The following TRPA1 variants were observed in gnomAD, a reference collection of about 807,000 sequenced individuals.
TRPA1 encodes the protein transient receptor potential cation channel subfamily A member 1.
TRPA1 carries 129 observed loss-of-function variants against 131.3 expected under a neutral mutation model. That is an observed-to-expected ratio of 0.98 (90% CI 0.85 to 1.14). The LOEUF is 1.14. Among genes scored for constraint, TRPA1 ranks in the 50% most tolerant of loss-of-function variants. The pLI is 0.00. For synonymous variants in TRPA1, 441 were observed against 451.7 expected (o/e 0.98, Z 0.30); for missense variants, 1,304 against 1,354.2 (o/e 0.96, Z 0.58).
At position 72,021,908 on chromosome 8, in the gene TRPA1, T is replaced by C. The variant is rs1025761389; in HGVS notation, c.*998A>G. The C allele has an allele frequency of 5.9e-5, 9 of 152,312 alleles. No individual in the cohort carries two copies. Among genetic ancestry groups the C allele is most frequent in the Non-Finnish European group, 1.2e-4 (8 of 68,018 alleles). 9.4% of individuals were successfully genotyped at this position (152,312 alleles called of 1,614,324 possible). A position where few individuals can be genotyped will look rare whatever the true frequency, so the allele number is the denominator to read the frequency against. On this transcript the variant is annotated 3_prime_UTR_variant, in exon 27 of 27. Coordinates refer to ENST00000262209, the MANE Select transcript of TRPA1 (RefSeq NM_007332.3). Reference sequence around the variant, plus strand: ...AAGCTATAGCATAATAACATCTGTGTAAATAATAACAGACTCAAAACAACA... The same window carrying C: ...AAGCTATAGCATAATAACATCTGTGCAAATAATAACAGACTCAAAACAACA...
chr8:72,057,945 C>A, intron 8 of TRPA1, 129 bp from the exon 9 acceptor site: 1 of 693,242 alleles, frequency 1.4e-6, no homozygotes. Flanking sequence ...AACCATACGA[C>A]TAGTTATAGA....
At chr8:72,070,085 A>C (rs1400786650) in intron 2 of TRPA1, among the ~76,000 whole-genome samples, 3 of 152,238 alleles carry the variant, frequency 2.0e-5, no homozygotes, top group Non-Finnish European at 2.9e-5. Flanking sequence ...TTCATCCTGC[A>C]AAGTCCTATA....
intron 24 of TRPA1, among the ~76,000 whole-genome samples, chr8:72,026,454 A>C (rs981559486): frequency 6.6e-6 from 1 of 152,270 alleles, no homozygotes; most frequent in Non-Finnish European, 1.5e-5. Flanking sequence ...GCAATACTAC[A>C]AAATGTGCAC....
upstream of TRPA1, among the ~76,000 whole-genome samples, chr8:72,079,817 T>G (rs2587564): frequency 0.88 from 134,437 of 151,910 alleles, 59,667 homozygotes; most frequent in African/African-American, 0.94. Flanking sequence ...AGTTTATATA[T>G]ATCTGTCTTG....
At chr8:72,052,552 C>A (rs1805535663) in intron 14 of TRPA1, 47 bp downstream of exon 14, 2 of 1,609,560 alleles carry the variant, frequency 1.2e-6, no homozygotes, top group East Asian at 4.5e-5. Flanking sequence ...TCAAATCATC[C>A]CAACACCAGA....
At chr8:72,052,560 A>C in intron 14 of TRPA1, 39 bp downstream of exon 14, 13 of 1,610,684 alleles carry the variant, frequency 8.1e-6, no homozygotes, top group Non-Finnish European at 1.1e-5. Context: ...TCCCAACACC[A>C]GAGAACACTA....
Position 72,055,860 on chromosome 8 carries a change from AG to A in TRPA1, c.1195-6del. On this transcript the variant is annotated splice_polypyrimidine_tract_variant and splice_region_variant and intron_variant, in intron 10 of 26. Transcript: ENST00000262209. ...CAGCTCTTTGATCTGTTGCATCTAT[AG>A]GAAAAAATTAATATCATACAAATAA... The A allele has an allele frequency of 1.9e-6, 3 of 1,607,096 alleles. No homozygotes were observed. Among genetic ancestry groups the A allele is most frequent in the Non-Finnish European group, 2.5e-6 (3 of 1,178,410 alleles).
At chr8:72,040,205 A>G (rs964791520) in intron 17 of TRPA1, among the ~76,000 whole-genome samples, 5 of 152,136 alleles carry the variant, frequency 3.3e-5, no homozygotes, top group African/African-American at 1.2e-4. Context: ...ATTAATCTAG[A>G]TCATAAGTTT....
In TRPA1 at chr8:72,038,970, G is replaced by A. The variant is rs1239924176; in HGVS notation, c.2190C>T (p.Leu730=). The change falls in exon 19 of 27, where the codon CTC becomes CTT. Residue 730 remains leucine, a synonymous_variant. Coordinates refer to ENST00000262209, the MANE Select transcript of TRPA1 (RefSeq NM_007332.3). ...TGACAACGAGAATGGTCATAGGTAT[G>A]AGACCAAGACAGTAAGATCCTAAAT... ...MMNLGSYCLG[L]IPMTILVVNI... 1 of 1,613,010 alleles carries A rather than the reference G, an allele frequency of 6.2e-7. No individual in the cohort carries two copies.
chr8:72,058,926 C>T lies in TRPA1; in HGVS notation c.993+464G>A, dbSNP rs76257851. 5.6e-3 allele frequency among the ~76,000 whole-genome samples: 845 copies of T among 152,216 alleles called. 4 individuals are homozygous for T. The highest frequency in any genetic ancestry group is 9.3e-3 in the Non-Finnish European group (630 of 68,002). On this transcript the variant is annotated intron_variant, in intron 8 of 26. Transcript: ENST00000262209. ...AAAAAGATCTCATGCTTCATGCTTT[C>T]ACTTGTAATAAATCTTTGACAATAT...
intron 17 of TRPA1, 38 bp downstream of exon 17, chr8:72,046,475 A>G: frequency 1.6e-6 from 2 of 1,282,586 alleles, no homozygotes; most frequent in Non-Finnish European, 2.2e-6. Flanking sequence ...AAAAAGAAAA[A>G]AAAGAAACTA....
chr8:72,052,994 T>TGTGTGTGTGTGTGTGTGATAGATA (rs1491537785), intron 13 of TRPA1: 2 of 331,368 alleles, frequency 6.0e-6, no homozygotes, highest in Non-Finnish European at 1.1e-5. Flanking sequence ...TGTGTGTGTG[T>TGTGTGTGTGTGTGTGTGATAGATA]GAGAGATAGA....
chr8:72,080,457 T>G (rs191883980), upstream of TRPA1, among the ~76,000 whole-genome samples: 334 of 151,914 alleles, frequency 2.2e-3, 1 homozygote, highest in African/African-American at 7.6e-3. Context: ...TTTTCATATG[T>G]TACTGGATTC....
chr8:72,057,592 C>T (rs1235857073), intron 9 of TRPA1, 125 bp downstream of exon 9: 4 of 791,792 alleles, frequency 5.1e-6, no homozygotes, highest in Middle Eastern at 3.5e-4. Context: ...TTCACAACAC[C>T]TGGCCCAGGG....
chr8:72,066,239 C>T (rs1442132975), intron 3 of TRPA1, among the ~76,000 whole-genome samples: 1 of 152,186 alleles, frequency 6.6e-6, no homozygotes, highest in Non-Finnish European at 1.5e-5. Flanking sequence ...TACCTCCTCA[C>T]CTGGTTGACT....
intron 17 of TRPA1, among the ~76,000 whole-genome samples, chr8:72,041,896 C>G (rs1266224548): frequency 6.6e-6 from 1 of 151,010 alleles, no homozygotes; most frequent in Non-Finnish European, 1.5e-5. Flanking sequence ...AATAGAAAAA[C>G]AATAGAAAAA....
chr8:72,061,820 A>G, intron 6 of TRPA1, 59 bp from the exon 7 acceptor site: 1 of 1,578,062 alleles, frequency 6.3e-7, no homozygotes, highest in Non-Finnish European at 8.7e-7. Flanking sequence ...AATATAACTT[A>G]TATTCAGCTG....
intron 13 of TRPA1, chr8:72,053,297 C>A: frequency 5.0e-6 from 1 of 199,336 alleles, no homozygotes; most frequent in Non-Finnish European, 1.0e-5. Flanking sequence ...TTGAAAAAGG[C>A]AACAACAGTC....
intron 15 of TRPA1, among the ~76,000 whole-genome samples, chr8:72,049,070 G>A (rs1361209357): frequency 1.3e-5 from 2 of 152,096 alleles, no homozygotes; most frequent in Non-Finnish European, 2.9e-5. Context: ...TAATCTGTAT[G>A]CCATTTGTGT....
Sources: gnomAD v4.1 joint callset for allele counts (sites outside exome capture counted in the v4.1 genomes callset) on GRCh38, gnomAD v4.1.1 for gene constraint, MANE v1.5 for transcripts, NCBI Gene and HGNC (gene_info 2026-07-23, HGNC 2026-07-21) for gene names.